Variants in CACNA2D4 observed in about 807,000 individuals in gnomAD.
CACNA2D4 encodes calcium voltage-gated channel auxiliary subunit alpha2delta 4, also known as voltage-dependent calcium channel subunit alpha-2/delta-4.
CACNA2D4 carries 157 observed loss-of-function variants against 163.8 expected under a neutral mutation model. The ratio of observed to expected loss-of-function variants is 0.96; its 90% confidence interval spans 0.84 to 1.09. The LOEUF is 1.09. CACNA2D4 is among the 50% of genes least tolerant of loss of function. CACNA2D4 has a pLI of 0.00. For synonymous variants in CACNA2D4, 598 were observed against 586.9 expected (o/e 1.02, Z -0.27); for missense variants, 1,410 against 1,479.9 (o/e 0.95, Z 0.78).
intron 26 of CACNA2D4, chr12:1,835,504 C>A (rs1172468165): frequency 1.3e-5 from 2 of 152,568 alleles, no homozygotes; most frequent in Admixed American, 1.3e-4. Context: ...CATGCTCTTC[C>A]CCAGGGGTCT....
At position 1,840,738 on chromosome 12, in the gene CACNA2D4, C is replaced by T. The variant is rs533220267; in HGVS notation, c.2551+1G>A. 2 of 1,613,506 alleles carry T rather than the reference C, an allele frequency of 1.2e-6. No individual in the cohort carries two copies. The highest frequency in any genetic ancestry group is 1.7e-6 in the Non-Finnish European group (2 of 1,179,544). ...CTCAACACCACAAGGGCCGTTCCTACCTGCAGCAATGGCTGTCCTCTTGTC... is the reference window on the plus strand; with the variant it reads ...CTCAACACCACAAGGGCCGTTCCTATCTGCAGCAATGGCTGTCCTCTTGTC... On this transcript the variant is annotated splice_donor_variant, in intron 26 of 37. Transcript: ENST00000382722. LOFTEE classifies it high-confidence loss of function.
In CACNA2D4 at chr12:1,795,322, A is replaced by G. The variant is rs775389449; in HGVS notation, c.3286T>C (p.Ser1096Pro). 3 of 1,613,066 alleles carry G rather than the reference A, an allele frequency of 1.9e-6. No homozygotes were observed. Among genetic ancestry groups the G allele is most frequent in the South Asian group, 2.2e-5 (2 of 91,022 alleles). The change falls in exon 37 of 38, where the codon TCC becomes CCC. Residue 1096 changes from serine to proline, a missense_variant. By Grantham distance (74) the Ser-to-Pro change is moderately conservative. Transcript: ENST00000382722. Reference protein sequence around the residue: ...RSQKLRRRPDSCHAFHPEENA... With the variant: ...RSQKLRRRPDPCHAFHPEENA... ...ACCTCTGGATGGAAGGCGTGGCAGG[A>G]GTCTGGTCGCCGGCGGAGCTTCTGG...
chr12:1,797,616 A>T (rs916375508), intron 34 of CACNA2D4, 81 bp from the exon 35 acceptor site: 24 of 990,852 alleles, frequency 2.4e-5, no homozygotes, highest in African/African-American at 2.4e-4. Flanking sequence ...CCAGGGCCAG[A>T]GTTCACCCCA....
chr12:1,838,286 C>G (rs747765861), intron 26 of CACNA2D4, among the ~76,000 whole-genome samples: 1 of 152,170 alleles, frequency 6.6e-6, no homozygotes, highest in African/African-American at 2.4e-5. Context: ...CGTGGCTGGG[C>G]TGAGTGCCCG....
rs371377761 is a variant in CACNA2D4, at chr12:1,846,456, C to T, written c.2342+138G>A. 6.6e-4 allele frequency: 446 copies of T among 670,738 alleles called. 3 individuals are homozygous for T. The highest frequency in any genetic ancestry group is 6.6e-3 in the South Asian group (365 of 55,526). 41.5% of individuals were successfully genotyped at this position (670,738 alleles called of 1,614,324 possible). ...CCCCAATCTGTCAATCCCGATCCTT[C>T]TGCCCTGCTGGGCTCCCAGGGGTCC... is the stretch of plus-strand genomic sequence containing the variant. On this transcript the variant is annotated intron_variant, in intron 24 of 37. Coordinates refer to ENST00000382722, the MANE Select transcript of CACNA2D4 (RefSeq NM_172364.5).
At chr12:1,817,697 G>A (rs1863924010) in intron 26 of CACNA2D4, among the ~76,000 whole-genome samples, 1 of 152,152 alleles carries the variant, frequency 6.6e-6, no homozygotes, top group Non-Finnish European at 1.5e-5. Context: ...TGTTGGCCGG[G>A]CTGGTCTCCA....
At chr12:1,877,789 G>T (rs563240354) in intron 16 of CACNA2D4, among the ~76,000 whole-genome samples, 4 of 152,276 alleles carry the variant, frequency 2.6e-5, no homozygotes, top group African/African-American at 9.6e-5. Context: ...CTAGCTCCTG[G>T]AGGCAGAGCT....
Position 1,842,983 on chromosome 12 carries a change from G to A in CACNA2D4, c.2470+1419C>T, listed in dbSNP as rs577962428. On this transcript the variant is annotated intron_variant, in intron 25 of 37. Coordinates refer to ENST00000382722, the MANE Select transcript of CACNA2D4 (RefSeq NM_172364.5). ...TTGGATTAGGGCAGAGCTTGGCTCT[G>A]TGGCTCCCTTGCTGTGTGACCCCGG... Among the ~76,000 whole-genome samples, 302 of 152,300 alleles carry A rather than the reference G, an allele frequency of 2.0e-3. 1 individual carries two copies. Among genetic ancestry groups the A allele is most frequent in the Admixed American group, 5.4e-3 (83 of 15,302 alleles).
chr12:1,848,800 T>C (rs965580850), intron 23 of CACNA2D4, among the ~76,000 whole-genome samples: 1 of 138,030 alleles, frequency 7.2e-6, no homozygotes, highest in East Asian at 2.1e-4. Context: ...TAAAGACAGG[T>C]TCTCACTACG....
chr12:1,910,173 A>G (rs36085137), intron 3 of CACNA2D4, among the ~76,000 whole-genome samples: 82 of 152,280 alleles, frequency 5.4e-4, no homozygotes, highest in Admixed American at 9.8e-4. Context: ...ACATATGGCT[A>G]AGTGAAAGCA....
intron 37 of CACNA2D4, among the ~76,000 whole-genome samples, chr12:1,794,285 A>T (rs1393918862): frequency 6.6e-6 from 1 of 151,976 alleles, no homozygotes; most frequent in Non-Finnish European, 1.5e-5. Context: ...GCACCTTGGG[A>T]TCCTGGTTGA....
At chr12:1,831,688 C>G (rs1488078139) in intron 26 of CACNA2D4, among the ~76,000 whole-genome samples, 1 of 152,144 alleles carries the variant, frequency 6.6e-6, no homozygotes, top group Non-Finnish European at 1.5e-5. Flanking sequence ...CACAAGCCTC[C>G]CCTCACATGA....
At chr12:1,817,356 C>T (rs1217884052) in intron 26 of CACNA2D4, among the ~76,000 whole-genome samples, 3 of 152,150 alleles carry the variant, frequency 2.0e-5, no homozygotes, top group Non-Finnish European at 2.9e-5. Flanking sequence ...TCTTTCATGT[C>T]CTCCATTCCT....
At position 1,861,784 on chromosome 12, in the gene CACNA2D4, C is replaced by T. The variant is rs75000919; in HGVS notation, c.1879-1578G>A. 3.2e-3 allele frequency among the ~76,000 whole-genome samples: 480 copies of T among 152,178 alleles called. 2 individuals carry two copies. Among genetic ancestry groups the T allele is most frequent in the East Asian group, 0.022 (114 of 5,176 alleles). Reference sequence around the variant, plus strand: ...TGAAGGAAAGGGTGGATGCACAGATCTTCCATGTATTACCTAATTAGCTTC... The same window carrying T: ...TGAAGGAAAGGGTGGATGCACAGATTTTCCATGTATTACCTAATTAGCTTC... On this transcript the variant is annotated intron_variant, in intron 18 of 37. Transcript: ENST00000382722.
intron 29 of CACNA2D4, among the ~76,000 whole-genome samples, chr12:1,805,895 C>T (rs1316185531): frequency 6.6e-6 from 1 of 152,210 alleles, no homozygotes; most frequent in Non-Finnish European, 1.5e-5. Context: ...CTGGGCGGGC[C>T]GCAGGCGGCA....
intron 18 of CACNA2D4, among the ~76,000 whole-genome samples, chr12:1,864,399 C>G (rs1218048756): frequency 6.6e-6 from 1 of 152,214 alleles, no homozygotes; most frequent in Non-Finnish European, 1.5e-5. Context: ...ACCCAGTTAG[C>G]AAAATTAACA....
chr12:1,799,825 C>A lies in CACNA2D4; in HGVS notation c.2975-130G>T. The A allele has an allele frequency of 7.5e-7, 1 of 1,333,140 alleles. No individual in the cohort carries two copies. Among genetic ancestry groups the A allele is most frequent in the South Asian group, 1.3e-5 (1 of 79,644 alleles). The allele number at this position is 1,333,140 out of a possible 1,614,324, so 82.6% of individuals were successfully genotyped here. On this transcript the variant is annotated intron_variant, in intron 33 of 37. Coordinates refer to ENST00000382722, the MANE Select transcript of CACNA2D4 (RefSeq NM_172364.5). This position sits in a 1 kb window ranked among gnomAD's most constrained non-coding sequence, Gnocchi z 4.7. ...CGGTGTCCCAAGATGATGTCACACA[C>A]AGAGCCAGGAGTGAGGGATGTGATG...
At chr12:1,818,597 C>A (rs11614486) in intron 26 of CACNA2D4, among the ~76,000 whole-genome samples, 12,786 of 150,932 alleles carry the variant, frequency 0.085, 743 homozygotes, top group Non-Finnish European at 0.13. Flanking sequence ...GTCATCACCA[C>A]TCCCTAATCT....
In CACNA2D4 at chr12:1,799,874, T is replaced by C. The variant is rs1365960468; in HGVS notation, c.2974+126A>G. 3 of 1,271,042 alleles carry C rather than the reference T, an allele frequency of 2.4e-6. No individual in the cohort carries two copies. Among genetic ancestry groups the C allele is most frequent in the African/African-American group, 3.0e-5 (2 of 67,606 alleles). The allele number at this position is 1,271,042 out of a possible 1,614,324, so 78.7% of individuals were successfully genotyped here. On this transcript the variant is annotated intron_variant, in intron 33 of 37. Transcript: ENST00000382722. The surrounding 1 kb of genome is among the most constrained non-coding windows in gnomAD (Gnocchi z 4.7). ...TGAGAGAAGGCCACGCAGGGTGAGA[T>C]GTGAACAACGATGCTTCAGGGTCAC...
Sources: allele counts gnomAD v4.1 joint callset (sites outside exome capture counted in the v4.1 genomes callset), GRCh38; gene constraint gnomAD v4.1.1; non-coding constraint Gnocchi (gnomAD v3.1); transcripts MANE v1.5; gene names NCBI Gene and HGNC (gene_info 2026-07-23, HGNC 2026-07-21).